Variants in RAPGEF2 observed in about 807,000 individuals in gnomAD.
RAPGEF2 encodes the protein PDZ domain containing guanine nucleotide exchange factor (GEF) 1.
Under a neutral mutation model 186.7 loss-of-function variants are expected in RAPGEF2, and 54 were observed. That is an observed-to-expected ratio of 0.29 (90% confidence interval 0.23 to 0.36). The LOEUF (loss-of-function observed/expected upper bound fraction) is 0.36. Among genes scored for constraint, RAPGEF2 ranks in the 10% least tolerant of loss-of-function variants. The pLI, the probability that RAPGEF2 is intolerant of heterozygous loss-of-function variation, is 1.00. For synonymous variants in RAPGEF2, 712 were observed against 705.9 expected, an observed-to-expected ratio of 1.01 and a Z score of -0.14; for missense variants, 1,532 against 2,045.0, an observed-to-expected ratio of 0.75 and a Z score of 4.84.
chr4:159,132,132 G>A (rs750652741), intron 1 of RAPGEF2, among the ~76,000 whole-genome samples: 2 of 152,270 alleles, frequency 1.3e-5, no homozygotes, highest in East Asian at 3.9e-4. Flanking sequence ...GGGGCTAGTT[G>A]GTCTAGAATT....
At chr4:159,251,129 G>A (rs1010657177) in intron 7 of RAPGEF2, among the ~76,000 whole-genome samples, 25 of 152,310 alleles carry the variant, frequency 1.6e-4, no homozygotes, top group Admixed American at 4.6e-4. Flanking sequence ...CTGCCTGCCC[G>A]CCCTGCACTT....
At chr4:159,318,142 T>G (rs1020561433) in intron 9 of RAPGEF2, among the ~76,000 whole-genome samples, 6 of 152,168 alleles carry the variant, frequency 3.9e-5, no homozygotes, top group African/African-American at 1.4e-4. Context: ...CAATGACAAT[T>G]ATCATGTTTG....
chr4:159,184,482 C>T (rs937050957), intron 1 of RAPGEF2, among the ~76,000 whole-genome samples: 16 of 152,202 alleles, frequency 1.1e-4, no homozygotes, highest in African/African-American at 3.6e-4. Context: ...TTGCATTTCT[C>T]TGATGGCCAG....
At chr4:159,304,198 A>G (rs1763011008) in intron 7 of RAPGEF2, 144 bp from the exon 8 acceptor site, 1 of 722,674 alleles carries the variant, frequency 1.4e-6, no homozygotes, top group Non-Finnish European at 2.1e-6. Context: ...AAATAAGACA[A>G]TATTTAGTAA....
chr4:159,178,517 C>T (rs1746674814), intron 1 of RAPGEF2, among the ~76,000 whole-genome samples: 2 of 151,036 alleles, frequency 1.3e-5, no homozygotes, highest in Non-Finnish European at 2.9e-5. Context: ...GGGGTACTCT[C>T]CCTCTGACTT....
At chr4:159,134,935 A>T (rs565742781) in intron 1 of RAPGEF2, among the ~76,000 whole-genome samples, 1 of 152,334 alleles carries the variant, frequency 6.6e-6, no homozygotes, top group African/African-American at 2.4e-5. Flanking sequence ...TGGACATTTC[A>T]TGTAAATAGT....
In RAPGEF2 at chr4:159,273,753, G is replaced by A. The variant is rs1052472791; in HGVS notation, c.543+29962G>A. ...ATCAAAGTAAATGCTCTGTAAGTTT[G>A]GTCTCATAGGTATAAGTATTCCTTA... On this transcript the variant is annotated intron_variant, in intron 7 of 29. Transcript: ENST00000691494. Among the ~76,000 whole-genome samples the A allele has an allele frequency of 4.7e-5, 7 of 148,718 alleles. No individual in the cohort carries two copies. The Admixed American group carries it at 4.8e-4, about 10-fold the overall frequency.
chr4:159,346,961 A>G lies in RAPGEF2; in HGVS notation c.3675A>G (p.Ser1225=). The G allele has an allele frequency of 1.9e-6, 3 of 1,614,090 alleles. No homozygotes were observed. The highest frequency in any genetic ancestry group is 1.1e-5 in the South Asian group (1 of 91,072). The change falls in exon 25 of 30, where the codon TCA becomes TCG. Residue 1225 remains serine (S), a synonymous_variant. Transcript: ENST00000691494. ...LQVPAVSLYP[S]RKKVPVKDLP... ...TTCCCGCCGTGTCCCTTTATCCTTC[A>G]CGGAAGAAAGTGCCCGTAAAGGATC... is the stretch of plus-strand genomic sequence containing the variant.
intron 4 of RAPGEF2, among the ~76,000 whole-genome samples, chr4:159,215,234 G>A (rs755804462): frequency 6.6e-5 from 10 of 152,028 alleles, no homozygotes; most frequent in Admixed American, 1.3e-4. Flanking sequence ...GTGCAGTGGC[G>A]CAATCTTAGC....
intron 1 of RAPGEF2, among the ~76,000 whole-genome samples, chr4:159,114,164 G>A (rs530595934): frequency 1.4e-4 from 21 of 148,764 alleles, no homozygotes; most frequent in Admixed American, 3.4e-4. Context: ...GCAGTGGCAC[G>A]ATCTCAGCCA....
chr4:159,151,804 A>G (rs967190982), intron 1 of RAPGEF2, among the ~76,000 whole-genome samples: 2 of 152,038 alleles, frequency 1.3e-5, no homozygotes, highest in African/African-American at 4.8e-5. Context: ...AGTAGGGTGT[A>G]AACTTTAAAG....
intron 7 of RAPGEF2, among the ~76,000 whole-genome samples, chr4:159,255,079 A>G (rs1359870738): frequency 6.6e-6 from 1 of 152,198 alleles, no homozygotes; most frequent in Non-Finnish European, 1.5e-5. Flanking sequence ...GATTCAGTAC[A>G]GTGACATGCT....
intron 5 of RAPGEF2, among the ~76,000 whole-genome samples, chr4:159,240,008 A>G (rs972577145): frequency 6.6e-6 from 1 of 152,174 alleles, no homozygotes; most frequent in Non-Finnish European, 1.5e-5. Flanking sequence ...GTTTTACAAA[A>G]CGTACTCAAG....
intron 7 of RAPGEF2, among the ~76,000 whole-genome samples, chr4:159,266,034 G>A (rs989434516): frequency 6.6e-6 from 1 of 152,162 alleles, no homozygotes; most frequent in African/African-American, 2.4e-5. Context: ...TGGAGGAAGA[G>A]GAAAATACCT....
Position 159,332,608 on chromosome 4 carries a change from A to G in RAPGEF2, c.2046A>G (p.Lys682=). The change falls in exon 17 of 30, where the codon AAA becomes AAG. Residue 682 remains lysine (K), a synonymous_variant. Transcript: ENST00000691494. ...TAGGACTTGAAAAAGTGAACAAAAAAAGTAAAGCCAACACTGTGGGAGGAA... is the reference window on the plus strand; with the variant it reads ...TAGGACTTGAAAAAGTGAACAAAAAGAGTAAAGCCAACACTGTGGGAGGAA... ...QVIGLEKVNK[K]SKANTVGGRN... The G allele has an allele frequency of 6.2e-7, 1 of 1,614,158 alleles. No homozygotes were observed. The highest frequency in any genetic ancestry group is 1.1e-5 in the South Asian group (1 of 91,076).
chr4:159,201,889 T>A (rs1023839020), intron 3 of RAPGEF2, among the ~76,000 whole-genome samples: 1 of 152,220 alleles, frequency 6.6e-6, no homozygotes, highest in African/African-American at 2.4e-5. Context: ...TTTCACTTTC[T>A]TGTTTTATAG....
intron 1 of RAPGEF2, among the ~76,000 whole-genome samples, chr4:159,153,714 A>G (rs904540807): frequency 1.3e-5 from 2 of 152,104 alleles, no homozygotes; most frequent in Non-Finnish European, 2.9e-5. Context: ...GCCCCCCAAC[A>G]TTTTCCTGAA....
chr4:159,185,686 C>T (rs1015749412), intron 1 of RAPGEF2, among the ~76,000 whole-genome samples: 2 of 152,110 alleles, frequency 1.3e-5, no homozygotes, highest in African/African-American at 4.8e-5. Context: ...TGGAGAATGA[C>T]TGCTAATGAG....
chr4:159,288,470 A>T (rs73859118), intron 7 of RAPGEF2, among the ~76,000 whole-genome samples: 2 of 152,118 alleles, frequency 1.3e-5, no homozygotes, highest in African/African-American at 4.8e-5. Context: ...TGTTGTCCAG[A>T]TGGCATACCT....
Sources: gnomAD v4.1 joint callset for allele counts (sites outside exome capture counted in the v4.1 genomes callset) on GRCh38, gnomAD v4.1.1 for gene constraint, MANE v1.5 for transcripts, NCBI Gene and HGNC (gene_info 2026-07-23, HGNC 2026-07-21) for gene names.